Variants in IQGAP1 observed in about 807,000 individuals in gnomAD.
The protein encoded by IQGAP1 is ras GTPase-activating-like protein IQGAP1.
Under a neutral mutation model 215.6 loss-of-function variants are expected in IQGAP1, and 66 were observed. The ratio of observed to expected loss-of-function variants is 0.31; its 90% CI spans 0.25 to 0.38. The LOEUF (loss-of-function observed/expected upper bound fraction) is 0.38, where lower values mean the gene tolerates loss of function less well. Among genes scored for constraint, IQGAP1 ranks in the 10% least tolerant of loss-of-function variants. The pLI is 1.00. For synonymous variants in IQGAP1, 772 were observed against 728.7 expected (o/e 1.06, Z -0.96); for missense variants, 1,712 against 1,997.1 (o/e 0.86, Z 2.72).
rs3216331 is a variant in IQGAP1, at chr15:90,429,574, C to CTT, written c.313-6_313-5dup. The CTT allele has an allele frequency of 5.2e-5, 72 of 1,376,276 alleles. No individual in the cohort carries two copies. Among genetic ancestry groups the CTT allele is most frequent in the South Asian group, 2.5e-4 (18 of 72,302 alleles). 85.3% of individuals were successfully genotyped at this position (1,376,276 alleles called of 1,614,324 possible). A position where few individuals can be genotyped will look rare whatever the true frequency, so the allele number is the denominator to read the frequency against. The stretch of plus-strand genomic sequence containing the variant: ...AATACAGCCAATAATACCTAATTTT[C>CTT]TTTTTTTTTTCTAGGCGACTGGCCT... On this transcript the variant is annotated splice_polypyrimidine_tract_variant and intron_variant, in intron 3 of 37. Transcript: ENST00000268182.
chr15:90,398,729 G>A (rs1964761112), intron 2 of IQGAP1, among the ~76,000 whole-genome samples: 1 of 152,032 alleles, frequency 6.6e-6, no homozygotes, highest in Non-Finnish European at 1.5e-5. Flanking sequence ...TTGGCTGGGC[G>A]CGGTGGCTCA....
chr15:90,431,910 T>C (rs1965309287), intron 4 of IQGAP1, among the ~76,000 whole-genome samples: 1 of 152,218 alleles, frequency 6.6e-6, no homozygotes, highest in Non-Finnish European at 1.5e-5. Context: ...TAATTGGTAC[T>C]GTTGGCTGCC....
At chr15:90,466,149 G>A (rs2074584) in intron 16 of IQGAP1, 58 bp downstream of exon 16, 540,856 of 1,579,438 alleles carry the variant, frequency 0.34, 98,650 homozygotes, top group East Asian at 0.64. Context: ...AAGGTGCTCC[G>A]TACAGCTTGA....
intron 15 of IQGAP1, among the ~76,000 whole-genome samples, chr15:90,458,122 A>G (rs936118680): frequency 6.6e-6 from 1 of 152,226 alleles, no homozygotes; most frequent in African/African-American, 2.4e-5. Context: ...TTTCATATAA[A>G]TGGAGTTATG....
rs1965818234 is a variant in IQGAP1, at chr15:90,465,549, G to C, written c.1777-452G>C. On this transcript the variant is annotated intron_variant, in intron 15 of 37. Coordinates refer to ENST00000268182, the MANE Select transcript of IQGAP1 (RefSeq NM_003870.4). ...TTTTTGGAGACCGGTCTATACTCTT[G>C]ACTGGAGTGCAGTGGTAAGAACATG... is the stretch of plus-strand genomic sequence containing the variant. 3.3e-5 allele frequency among the ~76,000 whole-genome samples: 5 copies of C among 152,220 alleles called. No homozygotes were observed. In the South Asian group the frequency reaches 1.0e-3, roughly 32 times the overall value.
chr15:90,463,305 G>A (rs1332540447), intron 15 of IQGAP1, among the ~76,000 whole-genome samples: 1 of 152,210 alleles, frequency 6.6e-6, no homozygotes, highest in Non-Finnish European at 1.5e-5. Flanking sequence ...AAGGGAGGTT[G>A]TGCTAAGTCT....
chr15:90,468,989 G>A (rs373493790), intron 18 of IQGAP1, among the ~76,000 whole-genome samples: 5 of 152,236 alleles, frequency 3.3e-5, no homozygotes, highest in African/African-American at 1.2e-4. Flanking sequence ...TAATGTACTT[G>A]GATTCGAATT....
chr15:90,410,215 C>G (rs1315652728), intron 2 of IQGAP1, among the ~76,000 whole-genome samples: 1 of 152,136 alleles, frequency 6.6e-6, no homozygotes, highest in Non-Finnish European at 1.5e-5. Flanking sequence ...GACATGAAGT[C>G]CTTGCCCATG....
intron 36 of IQGAP1, among the ~76,000 whole-genome samples, chr15:90,496,172 T>G (rs1966270121): frequency 6.6e-6 from 1 of 152,000 alleles, no homozygotes; most frequent in Non-Finnish European, 1.5e-5. Flanking sequence ...TTTTTGTGAC[T>G]TCTTTAACTC....
chr15:90,479,999 G>C (rs118123110), intron 26 of IQGAP1, among the ~76,000 whole-genome samples: 1 of 152,144 alleles, frequency 6.6e-6, no homozygotes, highest in East Asian at 1.9e-4. Flanking sequence ...TGGTCCATGA[G>C]TCAGTCATTT....
chr15:90,499,967 GTTTTGT>G, intron 37 of IQGAP1, 22 bp from the exon 38 acceptor site: 1 of 336,470 alleles, frequency 3.0e-6, no homozygotes, highest in Non-Finnish European at 5.5e-6. Flanking sequence ...AAAATGTTTT[GTTTTGT>G]TTTGTTTTGT....
chr15:90,439,583 G>A (rs1294543179), intron 6 of IQGAP1, among the ~76,000 whole-genome samples, 184 bp downstream of exon 6: 1 of 151,324 alleles, frequency 6.6e-6, no homozygotes, highest in African/African-American at 2.5e-5. Flanking sequence ...TTCAAGCTCT[G>A]TTCTCTCACT....
In IQGAP1 at chr15:90,499,997, C is replaced by G; in HGVS notation, c.4863C>G (p.Asp1621Glu). 1 of 1,530,816 alleles carries G rather than the reference C, an allele frequency of 6.5e-7. No individual in the cohort carries two copies. The highest frequency in any genetic ancestry group is 9.0e-7 in the Non-Finnish European group (1 of 1,107,766). The allele number at this position is 1,530,816 out of a possible 1,614,324, so 94.8% of individuals were successfully genotyped here. A position where few individuals can be genotyped will look rare whatever the true frequency, so the allele number is the denominator to read the frequency against. The change falls in exon 38 of 38, where the codon GAC becomes GAG. Residue 1621 changes from aspartate to glutamate, a missense_variant and splice_region_variant. Transcript: ENST00000268182. Reference protein sequence around the residue: ...QMETFMLHYQDLLQLQYEGVA... With the variant: ...QMETFMLHYQELLQLQYEGVA... ...GTTTTGTTTTGTTTTGTTAATAGGA[C>G]CTGCTGCAGCTACAGTATGAAGGAG... is the stretch of plus-strand genomic sequence containing the variant.
At chr15:90,443,509 G>C (rs921882895) in intron 9 of IQGAP1, 31 bp downstream of exon 9, 2 of 1,215,372 alleles carry the variant, frequency 1.6e-6, no homozygotes, top group Non-Finnish European at 2.4e-6. Context: ...GGCACCTAAA[G>C]GGATATTATA....
intron 17 of IQGAP1, 134 bp from the exon 18 acceptor site, chr15:90,467,316 C>A (rs1396736713): frequency 2.5e-6 from 2 of 801,624 alleles, no homozygotes; most frequent in Non-Finnish European, 3.8e-6. Flanking sequence ...CCTTTACTCT[C>A]ACAGATCCAA....
intron 2 of IQGAP1, among the ~76,000 whole-genome samples, chr15:90,399,124 T>A (rs1221306684): frequency 6.6e-6 from 1 of 151,614 alleles, no homozygotes; most frequent in Non-Finnish European, 1.5e-5. Context: ...CCTAACTAAT[T>A]AAAAAAAATT....
chr15:90,434,465 TAATA>T (rs1176571585), intron 5 of IQGAP1, among the ~76,000 whole-genome samples: 1 of 151,838 alleles, frequency 6.6e-6, no homozygotes, highest in African/African-American at 2.4e-5. Flanking sequence ...ATCATAATAA[TAATA>T]ATAATTTTTG....
At chr15:90,437,483 A>G (rs1180239037) in intron 5 of IQGAP1, among the ~76,000 whole-genome samples, 3 of 152,142 alleles carry the variant, frequency 2.0e-5, no homozygotes, top group Non-Finnish European at 4.4e-5. Context: ...TGAGAAAAAT[A>G]TATAAAAAAT....
At chr15:90,490,994 G>A (rs959937264) in intron 33 of IQGAP1, among the ~76,000 whole-genome samples, 12 of 152,156 alleles carry the variant, frequency 7.9e-5, no homozygotes, top group African/African-American at 2.7e-4. Context: ...TGTACTTTTA[G>A]TAGAGACGGT....
Sources: allele counts gnomAD v4.1 joint callset (sites outside exome capture counted in the v4.1 genomes callset), GRCh38; gene constraint gnomAD v4.1.1; transcripts MANE v1.5; gene names NCBI Gene and HGNC (gene_info 2026-07-23, HGNC 2026-07-21).